Variants in CTNND2 observed in about 807,000 individuals in gnomAD.
CTNND2 encodes the protein catenin delta 2, also known as catenin delta-2.
Under a neutral mutation model 144.4 loss-of-function variants are expected in CTNND2, and 22 were observed. The observed-to-expected ratio is 0.15, with a 90% CI of 0.11 to 0.22. The LOEUF is 0.22. Ranked by LOEUF, CTNND2 falls within the 10% of genes least tolerant of loss-of-function variation. The pLI is 1.00. For missense variants in CTNND2, 1,353 were observed against 1,618.8 expected (o/e 0.84, Z 2.82); for synonymous variants, 751 against 695.6 (o/e 1.08, Z -1.25).
rs139678725 is a variant in CTNND2, at chr5:11,251,059, T to C, written c.1629-14236A>G. 4.2e-4 allele frequency among the ~76,000 whole-genome samples: 64 copies of C among 152,318 alleles called. No individual in the cohort carries two copies. In the East Asian group the frequency reaches 0.012, roughly 28 times the overall value. ...AAAAAAGAACTTGGGTCTTTAAGAA[T>C]GTTGGTTTATTATTTAAGTGTTGTA... On this transcript the variant is annotated intron_variant, in intron 9 of 21. Coordinates refer to ENST00000304623, the MANE Select transcript of CTNND2 (RefSeq NM_001332.4).
At chr5:11,311,779 TCACACACACA>T (rs113111244) in intron 9 of CTNND2, among the ~76,000 whole-genome samples, 19 of 105,430 alleles carry the variant, frequency 1.8e-4, no homozygotes, top group East Asian at 3.3e-4. Context: ...CACCCTCACC[TCACACACACA>T]CACACACACA....
chr5:11,377,992 T>G (rs1181681179), intron 7 of CTNND2, among the ~76,000 whole-genome samples: 4 of 152,202 alleles, frequency 2.6e-5, no homozygotes, highest in African/African-American at 9.7e-5. Flanking sequence ...GAAGGTTTGC[T>G]GAACCTTCAG....
At chr5:11,300,605 T>C (rs150124162) in intron 9 of CTNND2, among the ~76,000 whole-genome samples, 1 of 151,664 alleles carries the variant, frequency 6.6e-6, no homozygotes, top group Non-Finnish European at 1.5e-5. Flanking sequence ...CCAGTTAAAT[T>C]TGCATTTTAG....
intron 1 of CTNND2, among the ~76,000 whole-genome samples, chr5:11,816,177 C>G (rs1054144924): frequency 7.2e-5 from 11 of 152,224 alleles, no homozygotes; most frequent in African/African-American, 2.7e-4. Context: ...GAGCAGCCAC[C>G]ACGCCCAGGG....
chr5:11,582,761 G>A (rs1778534315), intron 2 of CTNND2, among the ~76,000 whole-genome samples: 1 of 152,178 alleles, frequency 6.6e-6, no homozygotes, highest in Admixed American at 6.5e-5. Context: ...AGCATCATAT[G>A]GAGCCTGGAC....
chr5:11,891,786 C>T (rs1407965354), intron 1 of CTNND2, among the ~76,000 whole-genome samples: 7 of 152,150 alleles, frequency 4.6e-5, no homozygotes, highest in African/African-American at 1.7e-4. Flanking sequence ...GCAGCCTGAG[C>T]CAACTATGAC....
chr5:11,417,535 CA>C (rs889726953), intron 3 of CTNND2, among the ~76,000 whole-genome samples: 94 of 149,592 alleles, frequency 6.3e-4, no homozygotes, highest in Non-Finnish European at 9.8e-4. Flanking sequence ...AGCAAAAAAA[CA>C]AAAAAAAATG....
chr5:11,558,341 C>CACGTGTGTGTGTGTGTGTGT (rs1554083650), intron 3 of CTNND2, among the ~76,000 whole-genome samples: 2 of 132,120 alleles, frequency 1.5e-5, no homozygotes, highest in African/African-American at 5.7e-5. Context: ...GTGAGAAACA[C>CACGTGTGTGTGTGTGTGTGT]GTGTGTGTGT....
At chr5:11,661,491 C>T (rs1331173924) in intron 2 of CTNND2, among the ~76,000 whole-genome samples, 11 of 152,112 alleles carry the variant, frequency 7.2e-5, no homozygotes, top group South Asian at 4.1e-4. Flanking sequence ...CTAGAATAAG[C>T]GATCTAAGAT....
At chr5:11,768,440 C>T (rs1343626934) in intron 1 of CTNND2, among the ~76,000 whole-genome samples, 1 of 152,172 alleles carries the variant, frequency 6.6e-6, no homozygotes, top group African/African-American at 2.4e-5. Flanking sequence ...CAGGCATGCA[C>T]CACCTTACCC....
rs536439688 is a variant in CTNND2, at chr5:11,661,033, T to C, written c.174+71103A>G. Among the ~76,000 whole-genome samples, 20 of 152,226 alleles carry C rather than the reference T, an allele frequency of 1.3e-4. No individual in the cohort carries two copies. The South Asian group carries it at 3.1e-3, about 24-fold the overall frequency. ...AGTAATATTTATCAAAAAACAATGA[T>C]AATACTTGCTTTTAATGAAAATAGG... On this transcript the variant is annotated intron_variant, in intron 2 of 21. Coordinates refer to ENST00000304623, the MANE Select transcript of CTNND2 (RefSeq NM_001332.4).
At chr5:11,836,366 T>C (rs1359405123) in intron 1 of CTNND2, among the ~76,000 whole-genome samples, 6 of 152,194 alleles carry the variant, frequency 3.9e-5, no homozygotes, top group Admixed American at 2.6e-4. Flanking sequence ...GAGAACCACA[T>C]ACTACTCTTT....
chr5:11,562,826 A>G (rs1776784423), intron 3 of CTNND2, among the ~76,000 whole-genome samples: 1 of 152,260 alleles, frequency 6.6e-6, no homozygotes, highest in Non-Finnish European at 1.5e-5. Context: ...ATGAGGAAAG[A>G]GGACAGGTTT....
rs73048061 is a variant in CTNND2 at position 11,475,197 on chromosome 5, G to A, written c.288-63128C>T. ...TACACTGAATATTGGCAGAAAGTGA[G>A]AGAAATTAGAATTGATGATGGTTGT... On this transcript the variant is annotated intron_variant, in intron 3 of 21. Coordinates refer to ENST00000304623, the MANE Select transcript of CTNND2 (RefSeq NM_001332.4). 7.7e-3 allele frequency among the ~76,000 whole-genome samples: 1,169 copies of A among 152,334 alleles called. 13 individuals carry two copies. Among genetic ancestry groups the A allele is most frequent in the African/African-American group, 0.026 (1,078 of 41,570 alleles).
rs113404590 is a variant in CTNND2, at chr5:10,992,804, A to AGCGCAGAAGAG, written c.3085-128_3085-127insCTCTTCTGCGC. On this transcript the variant is annotated intron_variant, in intron 18 of 21. Transcript: ENST00000304623. The stretch of plus-strand genomic sequence containing the variant: ...ATGGTGTGTCAGAAGAGGTTCTTGA[A>AGCGCAGAAGAG]GTTCTGCGCTCTCATGGAGGTGAAC... The AGCGCAGAAGAG allele has an allele frequency of 1.2e-3, 1,497 of 1,271,514 alleles. 17 individuals carry two copies. The African/African-American group carries it at 0.018, about 15-fold the overall frequency. 78.8% of individuals were successfully genotyped at this position (1,271,514 alleles called of 1,614,324 possible).
At chr5:11,468,049 G>A (rs1165919338) in intron 3 of CTNND2, among the ~76,000 whole-genome samples, 3 of 152,224 alleles carry the variant, frequency 2.0e-5, no homozygotes, top group Admixed American at 6.5e-5. Context: ...TTAAACGTGT[G>A]TCTGTGTGAA....
At position 11,343,001 on chromosome 5, in the gene CTNND2, G is replaced by A. The variant is rs77604937; in HGVS notation, c.1628+3371C>T. Among the ~76,000 whole-genome samples, 1,245 of 152,232 alleles carry A rather than the reference G, an allele frequency of 8.2e-3. 11 individuals carry two copies. Among genetic ancestry groups the A allele is most frequent in the Middle Eastern group, 0.02 (6 of 294 alleles). On this transcript the variant is annotated intron_variant, in intron 9 of 21. Transcript: ENST00000304623. ...TTCTTAGCAAATGGGGCTGTAAAGG[G>A]AATTTTACAGGTTTAAAAATGATCT...
At position 11,179,561 on chromosome 5, in the gene CTNND2, A is replaced by G. The variant is rs148405180; in HGVS notation, c.1976-19802T>C. Among the ~76,000 whole-genome samples the G allele has an allele frequency of 4.3e-3, 655 of 152,190 alleles. 6 individuals carry two copies. Among genetic ancestry groups the G allele is most frequent in the African/African-American group, 0.015 (616 of 41,518 alleles). On this transcript the variant is annotated intron_variant, in intron 11 of 21. Transcript: ENST00000304623. ...TCTGTACCTAACCCTGACATTCTAT[A>G]ATGTCTCCATTTTTAGTTATCTTCA...
chr5:11,331,045 C>T (rs1753095453), intron 9 of CTNND2, among the ~76,000 whole-genome samples: 1 of 152,152 alleles, frequency 6.6e-6, no homozygotes, highest in African/African-American at 2.4e-5. Flanking sequence ...CCTACAGAAA[C>T]GTTTCCGTTT....
Sources: gnomAD v4.1 joint callset for allele counts (sites outside exome capture counted in the v4.1 genomes callset) on GRCh38, gnomAD v4.1.1 for gene constraint, MANE v1.5 for transcripts, NCBI Gene and HGNC (gene_info 2026-07-23, HGNC 2026-07-21) for gene names.